NCAM2: variants seen among roughly 807,000 people sequenced by gnomAD.
The protein encoded by NCAM2 is neural cell adhesion molecule 2.
A neutral mutation model predicts 98.1 loss-of-function variants in NCAM2; 30 were observed. That is an observed-to-expected ratio of 0.31 (90% CI 0.23 to 0.41). The LOEUF (loss-of-function observed/expected upper bound fraction) is 0.41, where lower values mean the gene tolerates loss of function less well. Ranked by LOEUF, NCAM2 falls within the 10% of genes least tolerant of loss-of-function variation. The probability of loss-of-function intolerance (pLI) is 1.00; values close to 1 mark genes in which losing one functional copy is unlikely to be tolerated. For synonymous variants in NCAM2, 368 were observed against 342.4 expected, an observed-to-expected ratio of 1.07 and a Z score of -0.83; for missense variants, 867 against 1,005.8, an observed-to-expected ratio of 0.86 and a Z score of 1.87.
chr21:21,462,568 C>G (rs563670774), intron 12 of NCAM2, among the ~76,000 whole-genome samples: 13 of 151,966 alleles, frequency 8.6e-5, no homozygotes, highest in African/African-American at 3.1e-4. Flanking sequence ...CTTTCAAATT[C>G]AAATTTTTCT....
intron 1 of NCAM2, among the ~76,000 whole-genome samples, chr21:21,122,600 C>A (rs2066698312): frequency 6.6e-6 from 1 of 152,150 alleles, no homozygotes. Flanking sequence ...GTTTGCTCAG[C>A]CATCTCCAGT....
intron 16 of NCAM2, among the ~76,000 whole-genome samples, chr21:21,509,298 G>T (rs940636579): frequency 8.5e-5 from 13 of 152,082 alleles, no homozygotes; most frequent in Non-Finnish European, 1.5e-4. Context: ...TCACTGAAAA[G>T]AATCACTACC....
chr21:21,517,968 C>G (rs1248344142), intron 16 of NCAM2, among the ~76,000 whole-genome samples: 5 of 152,150 alleles, frequency 3.3e-5, no homozygotes, highest in Non-Finnish European at 7.4e-5. Flanking sequence ...GCTTGAATCC[C>G]AGTACACTTG....
chr21:21,482,062 C>T (rs985486661), intron 15 of NCAM2, among the ~76,000 whole-genome samples: 2 of 151,836 alleles, frequency 1.3e-5, no homozygotes, highest in Non-Finnish European at 2.9e-5. Context: ...CGCGCCATTG[C>T]ACTCCAGCCT....
chr21:21,337,279 C>T (rs1217338946), intron 7 of NCAM2, among the ~76,000 whole-genome samples: 2 of 151,396 alleles, frequency 1.3e-5, no homozygotes, highest in Non-Finnish European at 3.0e-5. Context: ...TTCATCCTTT[C>T]AAGTAGAACA....
At chr21:21,452,455 A>G (rs1981272706) in intron 12 of NCAM2, among the ~76,000 whole-genome samples, 1 of 141,570 alleles carries the variant, frequency 7.1e-6, no homozygotes, top group Non-Finnish European at 1.5e-5. Flanking sequence ...GTCGGGGGGG[A>G]AGATGTATTT....
chr21:21,169,536 A>G (rs1277529636), intron 1 of NCAM2, among the ~76,000 whole-genome samples: 2 of 152,222 alleles, frequency 1.3e-5, no homozygotes, highest in Non-Finnish European at 2.9e-5. Flanking sequence ...TTTGCACAAG[A>G]TACATCTGAT....
intron 1 of NCAM2, among the ~76,000 whole-genome samples, chr21:21,082,149 A>T (rs2065816162): frequency 6.8e-6 from 1 of 146,278 alleles, no homozygotes; most frequent in Non-Finnish European, 1.5e-5. Flanking sequence ...AATCGCTTGA[A>T]CCCGGGAGGC....
At chr21:21,090,863 C>G (rs1029475102) in intron 1 of NCAM2, among the ~76,000 whole-genome samples, 1 of 152,264 alleles carries the variant, frequency 6.6e-6, no homozygotes. Flanking sequence ...ATCTGTTTCT[C>G]AAATGTCATT....
At chr21:21,330,285 C>G (rs995097048) in intron 6 of NCAM2, among the ~76,000 whole-genome samples, 1 of 151,908 alleles carries the variant, frequency 6.6e-6, no homozygotes, top group Non-Finnish European at 1.5e-5. Flanking sequence ...TCTGTTTTTC[C>G]TCTCTAAATA....
chr21:21,270,042 T>C (rs544495049), intron 1 of NCAM2, among the ~76,000 whole-genome samples: 84 of 152,298 alleles, frequency 5.5e-4, no homozygotes, highest in African/African-American at 1.9e-3. Flanking sequence ...TACATAAGCA[T>C]CTGGAGACTT....
At chr21:21,512,153 C>T (rs1988427647) in intron 16 of NCAM2, among the ~76,000 whole-genome samples, 1 of 151,868 alleles carries the variant, frequency 6.6e-6, no homozygotes, top group African/African-American at 2.4e-5. Context: ...AGGTATTACT[C>T]AAAGAAATTT....
intron 1 of NCAM2, among the ~76,000 whole-genome samples, chr21:21,234,131 T>G (rs1257606814): frequency 6.6e-6 from 1 of 151,888 alleles, no homozygotes; most frequent in Non-Finnish European, 1.5e-5. Context: ...AATATTGGAT[T>G]GCCACTTAGG....
At chr21:21,110,009 GCC>G (rs1445076161) in intron 1 of NCAM2, among the ~76,000 whole-genome samples, 2 of 152,168 alleles carry the variant, frequency 1.3e-5, no homozygotes, top group South Asian at 2.1e-4. Context: ...TGCCTCCAAA[GCC>G]GTTGTAGGGG....
intron 1 of NCAM2, among the ~76,000 whole-genome samples, chr21:21,050,325 T>C (rs1019877123): frequency 6.6e-6 from 1 of 152,188 alleles, no homozygotes; most frequent in Non-Finnish European, 1.5e-5. Context: ...CTGATTTTAG[T>C]AGGAGTTAAG....
At chr21:21,461,697 A>G (rs1291988590) in intron 12 of NCAM2, among the ~76,000 whole-genome samples, 2 of 151,044 alleles carry the variant, frequency 1.3e-5, no homozygotes, top group Non-Finnish European at 2.9e-5. Context: ...TAAAATATTT[A>G]AAGTACTGTT....
intron 12 of NCAM2, among the ~76,000 whole-genome samples, chr21:21,435,342 TCTCTC>T (rs1214840013): frequency 2.0e-5 from 3 of 152,138 alleles, no homozygotes; most frequent in Non-Finnish European, 4.4e-5. Flanking sequence ...AAATATCATA[TCTCTC>T]CTCTCATCTC....
chr21:21,422,195 G>C (rs2077124620), intron 11 of NCAM2, among the ~76,000 whole-genome samples: 1 of 152,178 alleles, frequency 6.6e-6, no homozygotes, highest in South Asian at 2.1e-4. Flanking sequence ...ATTCACCTAA[G>C]TGAAACAACT....
chr21:21,302,827 A>G (rs999971616), intron 5 of NCAM2, among the ~76,000 whole-genome samples: 2 of 152,196 alleles, frequency 1.3e-5, no homozygotes, highest in East Asian at 1.9e-4. Context: ...ACTATTCACA[A>G]TAGTACACAC....
Sources: gnomAD v4.1 joint callset for allele counts (sites outside exome capture counted in the v4.1 genomes callset) on GRCh38, gnomAD v4.1.1 for gene constraint, MANE v1.5 for transcripts, NCBI Gene and HGNC (gene_info 2026-07-23, HGNC 2026-07-21) for gene names.